The following SAMD12 variants were observed in gnomAD, a reference collection of about 807,000 sequenced individuals.
SAMD12 encodes sterile alpha motif domain containing 12.
SAMD12 carries 9 observed loss-of-function variants against 15.0 expected under a neutral mutation model. The observed-to-expected ratio is 0.60, with a 90% confidence interval of 0.36 to 1.05. The LOEUF (loss-of-function observed/expected upper bound fraction) is 1.05. SAMD12 is among the 50% of genes least tolerant of loss of function. The probability of loss-of-function intolerance (pLI) is 0.01; values close to 1 mark genes in which losing one functional copy is unlikely to be tolerated. For missense variants in SAMD12, 230 were observed against 234.2 expected (o/e 0.98, Z 0.12); for synonymous variants, 86 against 90.1 (o/e 0.96, Z 0.25).
At chr8:118,142,599 C>T in the SAMD12 span, among the ~76,000 whole-genome samples, 1 of 152,208 alleles carries the variant, frequency 6.6e-6, no homozygotes, top group Non-Finnish European at 1.5e-5. Flanking sequence ...GTCTAGCAGA[C>T]CAGAGTATTT....
At chr8:118,485,462 G>C (rs1824249776) in intron 2 of SAMD12, among the ~76,000 whole-genome samples, 1 of 152,174 alleles carries the variant, frequency 6.6e-6, no homozygotes, top group Non-Finnish European at 1.5e-5. Context: ...TTATTCCATA[G>C]CTTTCCTAAA....
chr8:118,201,817 G>C (rs1019051514), intron 4 of SAMD12, among the ~76,000 whole-genome samples: 1 of 152,136 alleles, frequency 6.6e-6, no homozygotes, highest in Non-Finnish European at 1.5e-5. Context: ...ATAGTAAAAG[G>C]CTCTTTTTCA....
At chr8:118,528,637 T>C (rs1474861494) in intron 2 of SAMD12, among the ~76,000 whole-genome samples, 1 of 152,264 alleles carries the variant, frequency 6.6e-6, no homozygotes, top group East Asian at 1.9e-4. Flanking sequence ...TCTAAGAGAT[T>C]TGGCCAATGC....
chr8:118,509,603 A>C (rs1040748913), intron 2 of SAMD12, among the ~76,000 whole-genome samples: 4 of 152,228 alleles, frequency 2.6e-5, no homozygotes, highest in Non-Finnish European at 5.9e-5. Context: ...TACTTCCCTA[A>C]AACTCAAAAT....
At chr8:118,257,344 C>G (rs1812970652) in intron 4 of SAMD12, among the ~76,000 whole-genome samples, 1 of 152,038 alleles carries the variant, frequency 6.6e-6, no homozygotes, top group Non-Finnish European at 1.5e-5. Context: ...AACCAGTGAC[C>G]TATCTGAAAT....
chr8:118,448,157 CCTACATGGCTAATACCCTCACTT>C (rs1355603648), intron 2 of SAMD12, among the ~76,000 whole-genome samples: 4 of 152,192 alleles, frequency 2.6e-5, no homozygotes, highest in Admixed American at 2.0e-4. Flanking sequence ...CTCCCAGATA[CCTACATGGCTAATACCCTCACTT>C]CTTTCAAAGC....
At chr8:118,249,717 C>G (rs1293739285) in intron 4 of SAMD12, among the ~76,000 whole-genome samples, 1 of 152,154 alleles carries the variant, frequency 6.6e-6, no homozygotes, top group African/African-American at 2.4e-5. Flanking sequence ...TTCCAGGATT[C>G]CTGTGTATTG....
At chr8:118,364,973 T>C (rs1022771663) in intron 4 of SAMD12, among the ~76,000 whole-genome samples, 2 of 152,288 alleles carry the variant, frequency 1.3e-5, no homozygotes, top group Middle Eastern at 3.4e-3. Flanking sequence ...TGTCTTTGCT[T>C]TTCCAGTGCA....
At chr8:118,384,959 T>C (rs945200272) in intron 3 of SAMD12, among the ~76,000 whole-genome samples, 5 of 152,060 alleles carry the variant, frequency 3.3e-5, no homozygotes, top group African/African-American at 1.2e-4. Flanking sequence ...GAACTCCTTG[T>C]AGAGGCTCGG....
chr8:118,326,582 T>G (rs573935482), intron 4 of SAMD12, among the ~76,000 whole-genome samples: 2 of 152,290 alleles, frequency 1.3e-5, no homozygotes, highest in East Asian at 3.9e-4. Flanking sequence ...GTATATGAAT[T>G]GATGCTTAGT....
chr8:118,481,000 T>C (rs549481413), intron 2 of SAMD12, among the ~76,000 whole-genome samples: 5 of 152,354 alleles, frequency 3.3e-5, no homozygotes, highest in African/African-American at 4.8e-5. Flanking sequence ...TGGAGTGCAG[T>C]GGCACGATCT....
chr8:118,481,313 T>G (rs1339103740), intron 2 of SAMD12, among the ~76,000 whole-genome samples: 1 of 152,162 alleles, frequency 6.6e-6, no homozygotes, highest in Non-Finnish European at 1.5e-5. Flanking sequence ...ATAAAACACA[T>G]GAAAACACAG....
At chr8:118,278,810 T>C (rs1813533961) in intron 4 of SAMD12, among the ~76,000 whole-genome samples, 2 of 152,196 alleles carry the variant, frequency 1.3e-5, no homozygotes, top group African/African-American at 2.4e-5. Flanking sequence ...GAGACGAATA[T>C]GGCAGTACAA....
intron 1 of SAMD12, among the ~76,000 whole-genome samples, chr8:118,598,135 T>C (rs1827769123): frequency 6.6e-6 from 1 of 152,224 alleles, no homozygotes; most frequent in Non-Finnish European, 1.5e-5. Context: ...TGCATGTGTA[T>C]CTCTGCATTC....
chr8:118,165,716 T>C, the SAMD12 span, among the ~76,000 whole-genome samples: 4 of 150,498 alleles, frequency 2.7e-5, no homozygotes, highest in South Asian at 2.1e-4. Flanking sequence ...CTGTTACTAG[T>C]GTCTTTTCTC....
chr8:118,600,291 A>AG (rs1276740961), intron 1 of SAMD12, among the ~76,000 whole-genome samples: 1 of 152,188 alleles, frequency 6.6e-6, no homozygotes, highest in African/African-American at 2.4e-5. Context: ...AGTAAAAAAA[A>AG]AAAAACTACA....
chr8:118,173,731 G>A, the SAMD12 span, among the ~76,000 whole-genome samples: 1 of 150,722 alleles, frequency 6.6e-6, no homozygotes, highest in Non-Finnish European at 1.5e-5. Context: ...CTGGGTTCAA[G>A]TGATTCTCAT....
rs767235631 is a variant in SAMD12 at position 118,439,962 on chromosome 8, C to A, written c.193-1G>T. 1 of 1,613,464 alleles carries A rather than the reference C, an allele frequency of 6.2e-7. No individual in the cohort carries two copies. Among genetic ancestry groups the A allele is most frequent in the Admixed American group, 1.7e-5 (1 of 59,970 alleles). On this transcript the variant is annotated splice_acceptor_variant, in intron 2 of 3. Coordinates refer to ENST00000314727, the MANE Select transcript of SAMD12 (RefSeq NM_207506.3). LOFTEE classifies it high-confidence loss of function. ...GTTTAGATAGCTTCACCGTAGCTGACTATAAATAAAGAAGGAAGATCTGTC... is the reference window on the plus strand; with the variant it reads ...GTTTAGATAGCTTCACCGTAGCTGAATATAAATAAAGAAGGAAGATCTGTC...
At chr8:118,458,046 A>C (rs1823311551) in intron 2 of SAMD12, among the ~76,000 whole-genome samples, 1 of 152,200 alleles carries the variant, frequency 6.6e-6, no homozygotes, top group Non-Finnish European at 1.5e-5. Flanking sequence ...AGTGCTTAAC[A>C]AACCAGAAGC....
Sources: allele counts gnomAD v4.1 joint callset (sites outside exome capture counted in the v4.1 genomes callset), GRCh38; gene constraint gnomAD v4.1.1; transcripts MANE v1.5; gene names NCBI Gene and HGNC (gene_info 2026-07-23, HGNC 2026-07-21).